Variants in DNAH11 observed in about 807,000 individuals in gnomAD.
DNAH11 encodes axonemal beta dynein heavy chain 11.
DNAH11 carries 442 observed loss-of-function variants against 526.0 expected under a neutral mutation model. The ratio of observed to expected loss-of-function variants is 0.84; its 90% confidence interval spans 0.78 to 0.91. The LOEUF is 0.91. Among genes scored for constraint, DNAH11 ranks in the 40% least tolerant of loss-of-function variants. The pLI is 0.00. For synonymous variants in DNAH11, 2,461 were observed against 1,935.9 expected, an observed-to-expected ratio of 1.27 and a Z score of -7.12; for missense variants, 6,989 against 5,448.7, an observed-to-expected ratio of 1.28 and a Z score of -8.90.
chr7:21,577,058 A>G (rs1356846540), intron 8 of DNAH11, among the ~76,000 whole-genome samples: 1 of 152,202 alleles, frequency 6.6e-6, no homozygotes, highest in African/African-American at 2.4e-5. Flanking sequence ...AGAAACAACA[A>G]CGTGATGATG....
intron 45 of DNAH11, among the ~76,000 whole-genome samples, chr7:21,728,393 G>A (rs1056532147): frequency 3.3e-5 from 5 of 151,542 alleles, no homozygotes; most frequent in Non-Finnish European, 5.9e-5. Flanking sequence ...GAGTAGATGG[G>A]ACTACAGGCA....
chr7:21,666,803 T>A (rs2128468062), intron 30 of DNAH11, among the ~76,000 whole-genome samples: 1 of 152,060 alleles, frequency 6.6e-6, no homozygotes, highest in Middle Eastern at 3.4e-3. Flanking sequence ...GATAGCCTTA[T>A]ACTTTATAAT....
intron 61 of DNAH11, among the ~76,000 whole-genome samples, chr7:21,789,809 T>TTTCTTTCTTTCTTTCTTTCTTTC (rs1788375886): frequency 5.1e-5 from 1 of 19,490 alleles, no homozygotes; most frequent in African/African-American, 1.5e-4. Flanking sequence ...TTCTTTCTTT[T>TTTCTTTCTTTCTTTCTTTCTTTC]TTCTTTCTTT....
Position 21,820,758 on chromosome 7 carries a change from A to G in DNAH11, c.10691+2419A>G, listed in dbSNP as rs76063575. 6.0e-3 allele frequency among the ~76,000 whole-genome samples: 919 copies of G among 152,224 alleles called. 6 individuals are homozygous for G. Among genetic ancestry groups the G allele is most frequent in the African/African-American group, 0.021 (862 of 41,544 alleles). On this transcript the variant is annotated intron_variant, in intron 65 of 81. Transcript: ENST00000409508. Reference sequence around the variant, plus strand: ...CTCAAGGGGCCTGTTTTTATCAGTTACACTAGTTGGTAGTACCAATTGTTT... The same window carrying G: ...CTCAAGGGGCCTGTTTTTATCAGTTGCACTAGTTGGTAGTACCAATTGTTT...
rs1554291078 is a variant in DNAH11 at position 21,872,138 on chromosome 7, A to AAAAAAAAAACAAAC, written c.11968-1127_11968-1126insCAAACAAAAAAAAA. Among the ~76,000 whole-genome samples, 43 of 129,000 alleles carry AAAAAAAAAACAAAC rather than the reference A, an allele frequency of 3.3e-4. 6 individuals are homozygous for AAAAAAAAAACAAAC. Among genetic ancestry groups the AAAAAAAAAACAAAC allele is most frequent in the African/African-American group, 1.4e-3 (40 of 29,420 alleles). 84.6% of individuals were successfully genotyped at this position (129,000 alleles called of 152,430 possible). ...GACTCTGTCTCAAAAAAAAAAAAAA[A>AAAAAAAAAACAAAC]AAAAAAAAAAACCTTCATAATGACC... On this transcript the variant is annotated intron_variant, in intron 73 of 81. Coordinates refer to ENST00000409508, the MANE Select transcript of DNAH11 (RefSeq NM_001277115.2).
At chr7:21,574,238 T>C (rs2128438132) in intron 8 of DNAH11, among the ~76,000 whole-genome samples, 1 of 152,326 alleles carries the variant, frequency 6.6e-6, no homozygotes, top group Non-Finnish European at 1.5e-5. Context: ...TGTTTCTTGA[T>C]GAAATCCCTC....
intron 52 of DNAH11, 118 bp from the exon 53 acceptor site, chr7:21,749,560 A>C: frequency 7.4e-7 from 1 of 1,343,332 alleles, no homozygotes; most frequent in Non-Finnish European, 1.0e-6. Context: ...AAACCAGGGA[A>C]AGGCACCCCA....
chr7:21,662,256 G>C (rs1782268304), intron 30 of DNAH11, among the ~76,000 whole-genome samples: 1 of 152,096 alleles, frequency 6.6e-6, no homozygotes, highest in African/African-American at 2.4e-5. Context: ...TTCCTCAGTA[G>C]TTTATAAGAA....
chr7:21,878,326 T>C lies in DNAH11; in HGVS notation c.12196-2376T>C, dbSNP rs184648271. 4.6e-5 allele frequency among the ~76,000 whole-genome samples: 7 copies of C among 152,352 alleles called. No individual in the cohort carries two copies. The East Asian group carries it at 1.2e-3, about 25-fold the overall frequency. The stretch of plus-strand genomic sequence containing the variant: ...CAAGTCATTTATATAAAGTACAGAT[T>C]GAAGTAATGTACTTAGTTATTATAG... On this transcript the variant is annotated intron_variant, in intron 74 of 81. Coordinates refer to ENST00000409508, the MANE Select transcript of DNAH11 (RefSeq NM_001277115.2).
chr7:21,828,590 T>G (rs1166391714), intron 65 of DNAH11, among the ~76,000 whole-genome samples: 3 of 152,184 alleles, frequency 2.0e-5, no homozygotes, highest in Non-Finnish European at 4.4e-5. Context: ...CCTCAGATTC[T>G]TTTATTTTCT....
Position 21,818,202 on chromosome 7 carries a change from C to G in DNAH11, c.10569-15C>G. The G allele has an allele frequency of 6.2e-7, 1 of 1,603,578 alleles. No homozygotes were observed. The highest frequency in any genetic ancestry group is 8.5e-7 in the Non-Finnish European group (1 of 1,176,204). Reference sequence around the variant, plus strand: ...AATTTACATTTTATTATCTCAAATCCCACTGAATTTTAAGGTTTTTGAATG... The same window carrying G: ...AATTTACATTTTATTATCTCAAATCGCACTGAATTTTAAGGTTTTTGAATG... On this transcript the variant is annotated splice_polypyrimidine_tract_variant and intron_variant, in intron 64 of 81. Transcript: ENST00000409508.
rs76424325 is a variant in DNAH11, at chr7:21,801,282, C to T, written c.10165+7C>T. 359 of 1,613,598 alleles carry T rather than the reference C, an allele frequency of 2.2e-4. 1 individual carries two copies. The African/African-American group carries it at 4.3e-3, about 19-fold the overall frequency. ...GTCAAGGAACTTGAGGCAAGTTAAA[C>T]CTTTTCTTCCAAACATTCTAACTAA... On this transcript the variant is annotated splice_region_variant and intron_variant, in intron 62 of 81. Transcript: ENST00000409508.
chr7:21,899,540 C>T, intron 80 of DNAH11, 92 bp downstream of exon 80: 1 of 958,934 alleles, frequency 1.0e-6, no homozygotes, highest in Non-Finnish European at 1.6e-6. Context: ...CGTCTCCTTG[C>T]CCTGCTCACC....
At position 21,586,504 on chromosome 7, in the gene DNAH11, A is replaced by G. The variant is rs145144152; in HGVS notation, c.1711-1560A>G. Among the ~76,000 whole-genome samples the G allele has an allele frequency of 4.3e-3, 661 of 152,318 alleles. 8 individuals are homozygous for G. Among genetic ancestry groups the G allele is most frequent in the African/African-American group, 0.015 (617 of 41,578 alleles). On this transcript the variant is annotated intron_variant, in intron 9 of 81. Transcript: ENST00000409508. ...AAAAAGTCAGAATGTGTTTGTCTAA[A>G]TTGATCCCTAAGGTATAGTTATAGT... is the stretch of plus-strand genomic sequence containing the variant.
At chr7:21,710,285 T>G (rs987278063) in intron 40 of DNAH11, among the ~76,000 whole-genome samples, 3 of 152,176 alleles carry the variant, frequency 2.0e-5, no homozygotes, top group Non-Finnish European at 4.4e-5. Flanking sequence ...CCCACAACTG[T>G]TCATGAAGGA....
chr7:21,806,593 C>T (rs572102586), intron 62 of DNAH11, among the ~76,000 whole-genome samples: 1 of 152,286 alleles, frequency 6.6e-6, no homozygotes, highest in East Asian at 1.9e-4. Context: ...ATTCTGACGT[C>T]ATTTTTGTTT....
chr7:21,737,695 AG>A (rs1785677518), intron 46 of DNAH11, among the ~76,000 whole-genome samples: 1 of 152,346 alleles, frequency 6.6e-6, no homozygotes, highest in East Asian at 1.9e-4. Flanking sequence ...ACATGGGACC[AG>A]GAGAGAGAGA....
rs570437712 is a variant in DNAH11 at position 21,747,211 on chromosome 7, C to G, written c.8511-1369C>G. ...TGTCAGAGTAATTTTATAGCTTTCC[C>G]CAAGGTTGTTTTGTTGTGTGGTCAT... On this transcript the variant is annotated intron_variant, in intron 51 of 81. Coordinates refer to ENST00000409508, the MANE Select transcript of DNAH11 (RefSeq NM_001277115.2). Among the ~76,000 whole-genome samples, 14 of 152,222 alleles carry G rather than the reference C, an allele frequency of 9.2e-5. No individual in the cohort carries two copies. In the South Asian group the frequency reaches 2.9e-3, roughly 32 times the overall value.
chr7:21,704,663 G>C (rs767281695), intron 38 of DNAH11, 35 bp downstream of exon 38: 1 of 1,574,208 alleles, frequency 6.4e-7, no homozygotes. Context: ...GGCAGCTGTT[G>C]GGATTGTCAG....
Sources: allele counts gnomAD v4.1 joint callset (sites outside exome capture counted in the v4.1 genomes callset), GRCh38; gene constraint gnomAD v4.1.1; transcripts MANE v1.5; gene names NCBI Gene and HGNC (gene_info 2026-07-23, HGNC 2026-07-21).